Variants in LIMCH1 observed in about 807,000 individuals in gnomAD.
LIMCH1 encodes the protein LIM and calponin homology domains-containing protein 1.
Under a neutral mutation model 176.5 loss-of-function variants are expected in LIMCH1, and 113 were observed. The observed-to-expected ratio is 0.64, with a 90% CI of 0.55 to 0.75. The LOEUF (loss-of-function observed/expected upper bound fraction) is 0.75. LIMCH1 is among the 30% of genes least tolerant of loss of function. The probability of loss-of-function intolerance (pLI) is 0.00; values close to 1 mark genes in which losing one functional copy is unlikely to be tolerated. For synonymous variants in LIMCH1, 619 were observed against 645.9 expected, an observed-to-expected ratio of 0.96 and a Z score of 0.63; for missense variants, 1,674 against 1,814.9, an observed-to-expected ratio of 0.92 and a Z score of 1.41.
chr4:41,652,524 T>TAGCAG (rs1369845383), intron 18 of LIMCH1, among the ~76,000 whole-genome samples: 6 of 152,234 alleles, frequency 3.9e-5, no homozygotes, highest in Non-Finnish European at 7.3e-5. Context: ...TGAGTTCTGC[T>TAGCAG]AGCAGTGTGA....
At chr4:41,367,007 G>A (rs956054519) in intron 1 of LIMCH1, among the ~76,000 whole-genome samples, 3 of 152,152 alleles carry the variant, frequency 2.0e-5, no homozygotes, top group Non-Finnish European at 2.9e-5. Flanking sequence ...ATGGTGGCAG[G>A]AGAGAGAGAG....
At chr4:41,620,355 G>A (rs1584948141) in intron 6 of LIMCH1, 69 bp from the exon 7 acceptor site, 3 of 1,376,980 alleles carry the variant, frequency 2.2e-6, no homozygotes, top group Non-Finnish European at 2.9e-6. Flanking sequence ...GAATAGCGGG[G>A]AGATGACATG....
intron 1 of LIMCH1, among the ~76,000 whole-genome samples, chr4:41,400,811 G>A (rs1389354229): frequency 1.3e-5 from 2 of 152,174 alleles, no homozygotes; most frequent in Non-Finnish European, 2.9e-5. Flanking sequence ...CGTGCACCAT[G>A]AAATTTGCAA....
intron 1 of LIMCH1, among the ~76,000 whole-genome samples, chr4:41,554,296 G>C (rs1354968026): frequency 6.6e-6 from 1 of 152,138 alleles, no homozygotes; most frequent in Non-Finnish European, 1.5e-5. Flanking sequence ...ATCTGAGATG[G>C]CTGAATTGGT....
At chr4:41,596,462 GA>G (rs1461053457) in intron 1 of LIMCH1, among the ~76,000 whole-genome samples, 1 of 152,032 alleles carries the variant, frequency 6.6e-6, no homozygotes, top group Admixed American at 6.5e-5. Flanking sequence ...AAGTTAACTA[GA>G]AAAAAGGATT....
In LIMCH1 at chr4:41,581,805, C is replaced by CAAA. The variant is rs56150312; in HGVS notation, c.-240-17092_-240-17090dup. Among the ~76,000 whole-genome samples, 614 of 75,968 alleles carry CAAA rather than the reference C, an allele frequency of 8.1e-3. 11 individuals carry two copies. The highest frequency in any genetic ancestry group is 0.018 in the African/African-American group (401 of 22,218). 49.8% of individuals were successfully genotyped at this position (75,968 alleles called of 152,430 possible). A position where few individuals can be genotyped will look rare whatever the true frequency, so the allele number is the denominator to read the frequency against. The stretch of plus-strand genomic sequence containing the variant: ...TGGGCAACAGAGCAAGACTCTGTCT[C>CAAA]AAAAAAAAAAAAAAAAAAAAAAAAA... On this transcript the variant is annotated intron_variant, in intron 1 of 31. Coordinates refer to ENST00000503057, the MANE Select transcript of LIMCH1 (RefSeq NM_001330672.2).
In LIMCH1 at chr4:41,646,638, T is replaced by G; in HGVS notation, c.2565T>G (p.His855Gln). 1 of 1,614,238 alleles carries G rather than the reference T, an allele frequency of 6.2e-7. No homozygotes were observed. The highest frequency in any genetic ancestry group is 8.5e-7 in the Non-Finnish European group (1 of 1,180,054). ...TGCCAAAAATTCTGGAAAGAAGCCA[T>G]TCAACAGAGCCAAATTTATCCTCCT... is the stretch of plus-strand genomic sequence containing the variant. ...LEMPKILERS[H>Q]STEPNLSSFL... Residue 855 changes from histidine to glutamine, a missense_variant, in exon 17 of 32, where the codon CAT becomes CAG. His to Gln is a conservative substitution (Grantham distance 24). This residue lies in a region of LIMCH1 where 1,015 missense variants were observed against 1,102.5 expected (regional missense o/e 0.92). Transcript: ENST00000503057.
upstream of LIMCH1, among the ~76,000 whole-genome samples, chr4:41,360,162 C>G (rs2051803850): frequency 6.6e-6 from 1 of 152,136 alleles, no homozygotes; most frequent in Non-Finnish European, 1.5e-5. The surrounding 1 kb of genome is among the most constrained non-coding windows in gnomAD (Gnocchi z 4.5). Context: ...AGGTAGCCTT[C>G]CTGGAGAAGA....
At chr4:41,422,087 C>T (rs1476271849) in intron 1 of LIMCH1, among the ~76,000 whole-genome samples, 2 of 151,934 alleles carry the variant, frequency 1.3e-5, no homozygotes, top group African/African-American at 2.4e-5. Context: ...TGTCTCAAAA[C>T]AAGCAAAGAA....
chr4:41,666,342 G>A (rs994992124), intron 20 of LIMCH1, among the ~76,000 whole-genome samples: 4 of 152,108 alleles, frequency 2.6e-5, no homozygotes, highest in African/African-American at 4.8e-5. Context: ...ACGTTTTTAC[G>A]CTCATGTTTG....
At chr4:41,366,257 C>G (rs2052962689) in intron 1 of LIMCH1, among the ~76,000 whole-genome samples, 1 of 152,066 alleles carries the variant, frequency 6.6e-6, no homozygotes, top group Non-Finnish European at 1.5e-5. Context: ...TACAGTTGGC[C>G]CCTCGAAGTG....
chr4:41,668,105 T>C (rs1396652125), intron 21 of LIMCH1, among the ~76,000 whole-genome samples: 1 of 152,188 alleles, frequency 6.6e-6, no homozygotes, highest in African/African-American at 2.4e-5. Context: ...ATTTAGCTTA[T>C]TTTTACTTTT....
At chr4:41,403,082 A>T (rs934443698) in intron 1 of LIMCH1, among the ~76,000 whole-genome samples, 10 of 152,314 alleles carry the variant, frequency 6.6e-5, no homozygotes, top group African/African-American at 2.2e-4. Context: ...CATAGTTATC[A>T]CAACTTAGAT....
At chr4:41,657,129 AGCTCCT>A (rs2094486520) in intron 18 of LIMCH1, among the ~76,000 whole-genome samples, 1 of 152,226 alleles carries the variant, frequency 6.6e-6, no homozygotes, top group Admixed American at 6.5e-5. Context: ...AGGGGAAGCC[AGCTCCT>A]GGCTGAGTCC....
intron 1 of LIMCH1, among the ~76,000 whole-genome samples, chr4:41,365,526 A>G (rs73811187): frequency 0.018 from 2,800 of 152,286 alleles, 92 homozygotes; most frequent in African/African-American, 0.064. Context: ...TAGTCATTCT[A>G]ATTCTCCACC....
intron 1 of LIMCH1, among the ~76,000 whole-genome samples, chr4:41,463,893 T>A (rs1582626211): frequency 6.6e-6 from 1 of 151,960 alleles, no homozygotes; most frequent in Non-Finnish European, 1.5e-5. Flanking sequence ...TTTAAACATT[T>A]TTTTGTAGGG....
At chr4:41,660,103 T>A (rs768901208) in intron 18 of LIMCH1, among the ~76,000 whole-genome samples, 10 of 152,186 alleles carry the variant, frequency 6.6e-5, no homozygotes, top group Non-Finnish European at 1.2e-4. Context: ...TGTATAGGCA[T>A]GTATATAATC....
At chr4:41,609,774 G>A in intron 4 of LIMCH1, 1 of 391,988 alleles carries the variant, frequency 2.6e-6, no homozygotes, top group South Asian at 1.9e-5. Context: ...TAGATGAAAA[G>A]CAGAGACAAT....
At chr4:41,636,073 A>T (rs1314953445) in intron 13 of LIMCH1, among the ~76,000 whole-genome samples, 1 of 151,844 alleles carries the variant, frequency 6.6e-6, no homozygotes, top group Non-Finnish European at 1.5e-5. Context: ...CACCTGGCTG[A>T]TTTTTTTGTT....
Sources: allele counts gnomAD v4.1 joint callset (sites outside exome capture counted in the v4.1 genomes callset), GRCh38; gene constraint gnomAD v4.1.1; regional missense constraint gnomAD v4.1.1; non-coding constraint Gnocchi (gnomAD v3.1); transcripts MANE v1.5; gene names NCBI Gene and HGNC (gene_info 2026-07-23, HGNC 2026-07-21).